ABHD3: variants seen among roughly 807,000 people sequenced by gnomAD.
The protein encoded by ABHD3 is abhydrolase domain containing 3, phospholipase.
ABHD3 carries 46 observed loss-of-function variants against 48.8 expected under a neutral mutation model. The ratio of observed to expected loss-of-function variants is 0.94; its 90% confidence interval spans 0.74 to 1.20. The LOEUF (loss-of-function observed/expected upper bound fraction) is 1.20. Ranked by LOEUF, ABHD3 falls within the 50% of genes most tolerant of loss-of-function variation. The pLI, the probability that ABHD3 is intolerant of heterozygous loss-of-function variation, is 0.00. For synonymous variants in ABHD3, 192 were observed against 183.7 expected, an observed-to-expected ratio of 1.04 and a Z score of -0.36; for missense variants, 490 against 497.8, an observed-to-expected ratio of 0.98 and a Z score of 0.15.
At chr18:21,663,783 G>A (rs994075095) in intron 5 of ABHD3, 9 of 1,534,496 alleles carry the variant, frequency 5.9e-6, no homozygotes, top group African/African-American at 2.7e-5. Context: ...GCTTCAGAAC[G>A]CAGCTCCAGG....
intron 4 of ABHD3, among the ~76,000 whole-genome samples, chr18:21,678,743 A>C (rs890694600): frequency 6.6e-6 from 1 of 152,270 alleles, no homozygotes; most frequent in Non-Finnish European, 1.5e-5. Context: ...TGTCTATTCC[A>C]AGGCTCCTAG....
At chr18:21,652,881 C>T (rs1346922676) in intron 8 of ABHD3, among the ~76,000 whole-genome samples, 2 of 149,720 alleles carry the variant, frequency 1.3e-5, no homozygotes, top group East Asian at 2.0e-4. Flanking sequence ...GGTGAAACCC[C>T]ATCTCTACTA....
rs186411814 is a variant in ABHD3, at chr18:21,677,911, C to A, written c.555+6009G>T. 6.6e-4 allele frequency among the ~76,000 whole-genome samples: 100 copies of A among 152,152 alleles called. No homozygotes were observed. In the Middle Eastern group the frequency reaches 0.014, roughly 21 times the overall value. The stretch of plus-strand genomic sequence containing the variant: ...TGTTAGCCAGCATGTGATTCACCCG[C>A]CTCAGCCTCCCAAAGTGCTGGGATT... On this transcript the variant is annotated intron_variant, in intron 4 of 8. Transcript: ENST00000289119.
At chr18:21,685,006 C>T (rs1304692622) in intron 3 of ABHD3, among the ~76,000 whole-genome samples, 5 of 152,186 alleles carry the variant, frequency 3.3e-5, no homozygotes, top group Admixed American at 6.5e-5. Flanking sequence ...GTTGTAGTGT[C>T]GTGCTGGTTT....
At chr18:21,687,012 C>T (rs1355377429) in intron 3 of ABHD3, among the ~76,000 whole-genome samples, 1 of 151,850 alleles carries the variant, frequency 6.6e-6, no homozygotes, top group African/African-American at 2.4e-5. Context: ...ACCTCCTGGG[C>T]TCATGTGATT....
intron 4 of ABHD3, among the ~76,000 whole-genome samples, chr18:21,678,972 T>C (rs2039949238): frequency 6.6e-6 from 1 of 152,164 alleles, no homozygotes; most frequent in Non-Finnish European, 1.5e-5. Context: ...GCCATAGTAA[T>C]CTCTATAAAT....
At chr18:21,683,433 T>C in intron 4 of ABHD3, 2 of 392,046 alleles carry the variant, frequency 5.1e-6, no homozygotes, top group Non-Finnish European at 1.1e-5. Context: ...ATGACAAATG[T>C]AAATTTCATA....
chr18:21,694,620 T>G (rs2146331807), intron 3 of ABHD3, among the ~76,000 whole-genome samples: 1 of 152,246 alleles, frequency 6.6e-6, no homozygotes, highest in Non-Finnish European at 1.5e-5. Flanking sequence ...AAACACAAGT[T>G]TACAATCTTG....
At chr18:21,700,505 T>C (rs1029571049) in intron 3 of ABHD3, among the ~76,000 whole-genome samples, 10 of 152,034 alleles carry the variant, frequency 6.6e-5, no homozygotes, top group Non-Finnish European at 1.3e-4. Context: ...TTCAAGCAAT[T>C]CTCCTGCCTC....
chr18:21,680,796 C>T (rs1427119417), intron 4 of ABHD3, among the ~76,000 whole-genome samples: 1 of 149,628 alleles, frequency 6.7e-6, no homozygotes, highest in Non-Finnish European at 1.5e-5. Context: ...TTAAAGTATC[C>T]TTCTCCTCTT....
intron 3 of ABHD3, 111 bp from the exon 4 acceptor site, chr18:21,684,076 A>G (rs1371390556): frequency 2.1e-6 from 2 of 974,920 alleles, no homozygotes; most frequent in Non-Finnish European, 3.0e-6. Context: ...GATTTTAAAA[A>G]TCTGTCTTGT....
chr18:21,672,293 A>G (rs1445733663), intron 4 of ABHD3, among the ~76,000 whole-genome samples: 1 of 152,088 alleles, frequency 6.6e-6, no homozygotes, highest in Non-Finnish European at 1.5e-5. Context: ...TTAATTTGCT[A>G]CTCTGCAGTG....
At chr18:21,697,333 G>A (rs1297374987) in intron 3 of ABHD3, among the ~76,000 whole-genome samples, 2 of 151,514 alleles carry the variant, frequency 1.3e-5, no homozygotes, top group African/African-American at 4.8e-5. Flanking sequence ...TCGGACTCCC[G>A]AAGTGCTGGG....
At chr18:21,703,370 G>A (rs2040558447) in intron 2 of ABHD3, among the ~76,000 whole-genome samples, 1 of 152,068 alleles carries the variant, frequency 6.6e-6, no homozygotes, top group African/African-American at 2.4e-5. Flanking sequence ...CAGGTTGGCG[G>A]TTAGGGCGGG....
chr18:21,668,075 C>T (rs201717456), intron 4 of ABHD3, among the ~76,000 whole-genome samples: 5 of 151,144 alleles, frequency 3.3e-5, no homozygotes, highest in East Asian at 3.9e-4. Flanking sequence ...GTGGCAGGCA[C>T]GTGTAGTCCC....
At chr18:21,654,140 C>T (rs368145106) in intron 8 of ABHD3, among the ~76,000 whole-genome samples, 2 of 152,156 alleles carry the variant, frequency 1.3e-5, no homozygotes, top group South Asian at 2.1e-4. Flanking sequence ...GCGTGAGCCA[C>T]TTCGCTCGGC....
intron 6 of ABHD3, among the ~76,000 whole-genome samples, chr18:21,658,857 G>C (rs543248419): frequency 5.6e-5 from 3 of 53,326 alleles, no homozygotes; most frequent in African/African-American, 2.2e-4. Context: ...TTTTTTTTTT[G>C]AGACGGAGTC....
intron 5 of ABHD3, among the ~76,000 whole-genome samples, chr18:21,660,339 G>A (rs1201825488): frequency 6.6e-6 from 1 of 151,748 alleles, no homozygotes; most frequent in Non-Finnish European, 1.5e-5. Context: ...TTGCTCTCTA[G>A]TCTAGACTTT....
chr18:21,657,520 T>C (rs1326664382), intron 6 of ABHD3, among the ~76,000 whole-genome samples: 1 of 151,884 alleles, frequency 6.6e-6, no homozygotes, highest in Non-Finnish European at 1.5e-5. Flanking sequence ...GTGGGTTTTT[T>C]TTTTCTTTTG....
Sources: allele counts gnomAD v4.1 joint callset (sites outside exome capture counted in the v4.1 genomes callset), GRCh38; gene constraint gnomAD v4.1.1; transcripts MANE v1.5; gene names NCBI Gene and HGNC (gene_info 2026-07-23, HGNC 2026-07-21).